The following MYLK variants were observed in gnomAD, a reference collection of about 807,000 sequenced individuals.
MYLK encodes the protein myosin light chain kinase, smooth muscle.
Under a neutral mutation model 203.4 loss-of-function variants are expected in MYLK, and 106 were observed. That is an observed-to-expected ratio of 0.52 (90% CI 0.45 to 0.61). The LOEUF (loss-of-function observed/expected upper bound fraction) is 0.61, where lower values mean the gene tolerates loss of function less well. Ranked by LOEUF, MYLK falls within the 20% of genes least tolerant of loss-of-function variation. The pLI is 0.00. For missense variants in MYLK, 2,072 were observed against 2,442.3 expected, an observed-to-expected ratio of 0.85 and a Z score of 3.20; for synonymous variants, 867 against 959.5, an observed-to-expected ratio of 0.90 and a Z score of 1.78.
chr3:123,624,402 C>A (rs1387310693), intron 31 of MYLK: 1 of 151,970 alleles, frequency 6.6e-6, no homozygotes, highest in Non-Finnish European at 1.5e-5. Flanking sequence ...TGCCTCCTCT[C>A]CTGTTTCCTC....
chr3:123,762,094 T>G (rs1410961205), intron 4 of MYLK, among the ~76,000 whole-genome samples: 6 of 152,220 alleles, frequency 3.9e-5, no homozygotes, highest in Non-Finnish European at 1.5e-5. Context: ...ATTGGTACTA[T>G]AAGTCATAAG....
chr3:123,793,724 G>C lies in MYLK; in HGVS notation c.118C>G (p.Arg40Gly). 1 of 1,614,152 alleles carries C rather than the reference G, an allele frequency of 6.2e-7. No homozygotes were observed. The highest frequency in any genetic ancestry group is 8.5e-7 in the Non-Finnish European group (1 of 1,180,018). Residue 40 changes from arginine to glycine, a missense_variant, in exon 4 of 34, where the codon CGG becomes GGG. Physicochemically the swap from Arg to Gly is moderately radical, Grantham distance 125. Transcript: ENST00000360304. Reference protein sequence around the residue: ...TEAPAFILPPRNLCIKEGATA... With the variant: ...TEAPAFILPPGNLCIKEGATA... ...GCTCCTTCTTTGATGCAGAGGTTCC[G>C]AGGGGGCAAAATGAAAGCAGGGGCC...
chr3:123,681,246 G>C (rs897041876), intron 20 of MYLK: 1 of 152,142 alleles, frequency 6.6e-6, no homozygotes, highest in Non-Finnish European at 1.5e-5. Flanking sequence ...TGTGGGCTAC[G>C]GGGAAGCTGA....
chr3:123,793,943 T>C (rs2064887858), intron 3 of MYLK, 99 bp from the exon 4 acceptor site: 1 of 1,357,490 alleles, frequency 7.4e-7, no homozygotes, highest in African/African-American at 1.4e-5. Flanking sequence ...GTGTGGCTTT[T>C]ACGTGGAGCA....
intron 3 of MYLK, among the ~76,000 whole-genome samples, chr3:123,829,166 C>T (rs1286445833): frequency 6.6e-6 from 1 of 152,064 alleles, no homozygotes; most frequent in Non-Finnish European, 1.5e-5. Context: ...GCACTATTTA[C>T]AATAGCCAAG....
intron 13 of MYLK, among the ~76,000 whole-genome samples, chr3:123,712,387 A>G (rs1357639184): frequency 6.6e-6 from 1 of 152,210 alleles, no homozygotes; most frequent in African/African-American, 2.4e-5. Flanking sequence ...CTGCAATCTC[A>G]GCGAGTCCCC....
In MYLK at chr3:123,734,011, G is replaced by A. The variant is rs1406169210; in HGVS notation, c.985C>T (p.Pro329Ser). 1 of 1,614,236 alleles carries A rather than the reference G, an allele frequency of 6.2e-7. No individual in the cohort carries two copies. Among genetic ancestry groups the A allele is most frequent in the Non-Finnish European group, 8.5e-7 (1 of 1,180,042 alleles). ...ACCGGGGTCTGCGGGGCCGTTCTGG[G>A]CGAGTCCTTGCATGACTCCAGCTTG... Reference protein sequence around the residue: ...ESKLESCKDSPRTAPQTPVLQ... With the variant: ...ESKLESCKDSSRTAPQTPVLQ... Residue 329 changes from proline to serine, a missense_variant, in exon 10 of 34, where the codon CCC becomes TCC. Physicochemically the swap from Pro to Ser is moderately conservative, Grantham distance 74 (BLOSUM62 -1). Coordinates refer to ENST00000360304, the MANE Select transcript of MYLK (RefSeq NM_053025.4).
intron 4 of MYLK, among the ~76,000 whole-genome samples, chr3:123,759,163 C>T (rs905715782): frequency 2.6e-5 from 4 of 152,164 alleles, no homozygotes; most frequent in Admixed American, 1.3e-4. Flanking sequence ...CAACTTCTCA[C>T]GTTGATACCT....
At chr3:123,630,754 A>C (rs570670367) in intron 29 of MYLK, 1 of 152,382 alleles carries the variant, frequency 6.6e-6, no homozygotes, top group Non-Finnish European at 1.5e-5. Context: ...CTGTGAGTGC[A>C]GGAATGACTT....
chr3:123,800,578 C>T (rs1430013214), intron 3 of MYLK, among the ~76,000 whole-genome samples: 1 of 152,104 alleles, frequency 6.6e-6, no homozygotes, highest in Admixed American at 6.6e-5. Flanking sequence ...CCCTGGAGAG[C>T]TTCAGGAATG....
chr3:123,667,158 G>A lies in MYLK; in HGVS notation c.3682C>T (p.Pro1228Ser). ...SDATVKKKPA[P>S]KTPPKAAMPP... is the part of the protein sequence containing the mutation. ...TTACCTGCCTTCGGAGGTGTCTTGG[G>A]GGCAGGTTTCTTTTTCACAGTCGCA... The change falls in exon 21 of 34, where the codon CCC becomes TCC. Residue 1228 changes from proline (P) to serine (S), a missense_variant. Transcript: ENST00000360304. The A allele has an allele frequency of 6.2e-7, 1 of 1,614,134 alleles. No homozygotes were observed. Among genetic ancestry groups the A allele is most frequent in the African/African-American group, 1.3e-5 (1 of 75,028 alleles).
Position 123,707,896 on chromosome 3 carries a change from G to A in MYLK, c.2248C>T (p.Pro750Ser), listed in dbSNP as rs760140685. 11 of 1,614,142 alleles carry A rather than the reference G, an allele frequency of 6.8e-6. No homozygotes were observed. The South Asian group carries it at 1.1e-4, about 16-fold the overall frequency. Reference sequence around the variant, plus strand: ...CCATCTCTGAGCCAGTGCACGGTAGGAAAGGGGTCACCAGCTATGGCGCAG... The same window carrying A: ...CCATCTCTGAGCCAGTGCACGGTAGAAAAGGGGTCACCAGCTATGGCGCAG... ...ISCAIAGDPF[P>S]TVHWLRDGKA... Residue 750 changes from proline (P) to serine (S), a missense_variant, in exon 16 of 34, where the codon CCT becomes TCT. This residue lies in a region of MYLK where 865 missense variants were observed against 1,016.0 expected (regional missense o/e 0.85). Coordinates refer to ENST00000360304, the MANE Select transcript of MYLK (RefSeq NM_053025.4).
At chr3:123,807,940 C>T (rs1431716432) in intron 3 of MYLK, among the ~76,000 whole-genome samples, 2 of 152,226 alleles carry the variant, frequency 1.3e-5, no homozygotes, top group African/African-American at 4.8e-5. Flanking sequence ...CAGTTCACCC[C>T]CTGCCCTCAC....
At chr3:123,709,126 C>T (rs1410241863) in intron 14 of MYLK, 3 of 346,086 alleles carry the variant, frequency 8.7e-6, no homozygotes, top group South Asian at 6.1e-5. Context: ...TTGGGAAGTT[C>T]TCACATAATT....
chr3:123,709,307 A>T (rs969872047), intron 14 of MYLK: 3 of 235,668 alleles, frequency 1.3e-5, no homozygotes, highest in African/African-American at 2.3e-5. Context: ...CACCCAGCTA[A>T]TTTTTTGTAT....
chr3:123,844,867 G>A lies in MYLK; in HGVS notation c.-126-13197C>T, dbSNP rs140170912. 2.0e-3 allele frequency among the ~76,000 whole-genome samples: 217 copies of A among 107,358 alleles called. 1 individual carries two copies. The highest frequency in any genetic ancestry group is 3.5e-3 in the Non-Finnish European group (193 of 54,706). The allele number at this position is 107,358 out of a possible 152,430, so 70.4% of individuals were successfully genotyped here. A position where few individuals can be genotyped will look rare whatever the true frequency, so the allele number is the denominator to read the frequency against. On this transcript the variant is annotated intron_variant, in intron 2 of 33. Transcript: ENST00000360304. ...TTTTTTAAAGACAGGATCTTGCTAT[G>A]TTGCCCAAGCTAGCATGCAGTGGCT... is the stretch of plus-strand genomic sequence containing the variant.
At chr3:123,671,209 A>T (rs529466348) in intron 20 of MYLK, among the ~76,000 whole-genome samples, 20 of 152,394 alleles carry the variant, frequency 1.3e-4, no homozygotes, top group Non-Finnish European at 2.9e-4. Flanking sequence ...AATTAGGAGT[A>T]CAAGATTAAT....
At chr3:123,673,973 G>C (rs1470037900) in intron 20 of MYLK, among the ~76,000 whole-genome samples, 2 of 151,972 alleles carry the variant, frequency 1.3e-5, no homozygotes, top group African/African-American at 4.8e-5. Flanking sequence ...ACTGCCCCGG[G>C]GTACTGTGCT....
chr3:123,632,934 C>T (rs2058497940), intron 29 of MYLK, among the ~76,000 whole-genome samples: 1 of 151,494 alleles, frequency 6.6e-6, no homozygotes, highest in Admixed American at 6.6e-5. Context: ...TAGCTGGAAC[C>T]ACAGGTGCGC....
Sources: gnomAD v4.1 joint callset for allele counts (sites outside exome capture counted in the v4.1 genomes callset) on GRCh38, gnomAD v4.1.1 for gene constraint, gnomAD v4.1.1 regional missense constraint, MANE v1.5 for transcripts, NCBI Gene and HGNC (gene_info 2026-07-23, HGNC 2026-07-21) for gene names.